AXIN2: variants seen among roughly 807,000 people sequenced by gnomAD.
AXIN2 encodes the protein axin 2.
AXIN2 carries 21 observed loss-of-function variants against 74.7 expected under a neutral mutation model. That is an observed-to-expected ratio of 0.28 (90% CI 0.20 to 0.40). AXIN2 has a LOEUF of 0.40. AXIN2 is among the 10% of genes least tolerant of loss of function. AXIN2 has a pLI of 1.00. For synonymous variants in AXIN2, 532 were observed against 454.9 expected, an observed-to-expected ratio of 1.17 and a Z score of -2.16; for missense variants, 1,144 against 1,111.1, an observed-to-expected ratio of 1.03 and a Z score of -0.42.
At chr17:65,560,230 G>A (rs1427008546) in intron 1 of AXIN2, 3 of 152,322 alleles carry the variant, frequency 2.0e-5, no homozygotes, top group Non-Finnish European at 4.4e-5. Context: ...AAAGGGGCCG[G>A]GGCGGCCACG....
intron 3 of AXIN2, among the ~76,000 whole-genome samples, chr17:65,541,934 C>T (rs1191871493): frequency 6.6e-6 from 1 of 152,204 alleles, no homozygotes; most frequent in Non-Finnish European, 1.5e-5. Flanking sequence ...CCCCACTGGT[C>T]CTCCCACTTG....
chr17:65,530,716 C>G (rs2043801958), intron 10 of AXIN2, among the ~76,000 whole-genome samples: 1 of 152,232 alleles, frequency 6.6e-6, no homozygotes, highest in South Asian at 2.1e-4. Context: ...CCCAGCGCAG[C>G]TTCCCAGGGC....
chr17:65,534,514 T>C (rs552214634), intron 9 of AXIN2, among the ~76,000 whole-genome samples: 1 of 152,296 alleles, frequency 6.6e-6, no homozygotes, highest in East Asian at 1.9e-4. Flanking sequence ...TGGGATGGCA[T>C]GATCTCAGAA....
At chr17:65,557,416 T>C (rs2044282423) in intron 2 of AXIN2, among the ~76,000 whole-genome samples, 1 of 152,162 alleles carries the variant, frequency 6.6e-6, no homozygotes, top group Non-Finnish European at 1.5e-5. Context: ...GCCACATTAA[T>C]TCCACCCTCT....
At chr17:65,537,294 A>G (rs1279110866) in intron 6 of AXIN2, 30 bp downstream of exon 6, 1 of 1,613,222 alleles carries the variant, frequency 6.2e-7, no homozygotes, top group Non-Finnish European at 8.5e-7. Context: ...CAAGCCCCAC[A>G]CGGGACACTG....
chr17:65,549,801 G>C, intron 2 of AXIN2, 141 bp from the exon 3 acceptor site: 1 of 1,151,020 alleles, frequency 8.7e-7, no homozygotes, highest in South Asian at 1.3e-5. Flanking sequence ...TGCTCACCTG[G>C]GCAGAAAGCA....
chr17:65,529,918 C>T lies in AXIN2; in HGVS notation c.*58G>A. ...ATGTTTTGTCGCAGTTGCTCACAGC[C>T]AAGACAGTTCACAAGAGCTTCGGGC... is the stretch of plus-strand genomic sequence containing the variant. On this transcript the variant is annotated 3_prime_UTR_variant, in exon 11 of 11. Transcript: ENST00000307078. The T allele has an allele frequency of 6.2e-7, 1 of 1,613,008 alleles. No homozygotes were observed. The highest frequency in any genetic ancestry group is 8.5e-7 in the Non-Finnish European group (1 of 1,179,560).
intron 10 of AXIN2, 142 bp from the exon 11 acceptor site, chr17:65,530,244 T>C: frequency 8.7e-7 from 1 of 1,156,068 alleles, no homozygotes; most frequent in South Asian, 1.3e-5. Flanking sequence ...GCACATCTGC[T>C]TTAAGACGGC....
chr17:65,529,608 T>C lies in AXIN2; in HGVS notation c.*368A>G, dbSNP rs1231551126. ...GGGGAAATCAACTGTTCTATAAATA[T>C]CAGTAAGGATTCCTGTTCAGGTAAG... is the stretch of plus-strand genomic sequence containing the variant. On this transcript the variant is annotated 3_prime_UTR_variant, in exon 11 of 11. Coordinates refer to ENST00000307078, the MANE Select transcript of AXIN2 (RefSeq NM_004655.4). The C allele has an allele frequency of 7.6e-6, 3 of 396,962 alleles. No individual in the cohort carries two copies. Among genetic ancestry groups the C allele is most frequent in the Admixed American group, 4.2e-5 (1 of 24,060 alleles). 24.6% of individuals were successfully genotyped at this position (396,962 alleles called of 1,614,324 possible).
At chr17:65,533,799 C>G in intron 10 of AXIN2, 113 bp downstream of exon 10, 1 of 950,704 alleles carries the variant, frequency 1.1e-6, no homozygotes, top group Non-Finnish European at 1.6e-6. Context: ...CCTGCTGAGC[C>G]CCCTCCCACC....
intron 5 of AXIN2, 149 bp downstream of exon 5, chr17:65,538,054 G>T (rs184732657): frequency 3.5e-6 from 5 of 1,445,152 alleles, no homozygotes; most frequent in Non-Finnish European, 4.7e-6. Context: ...CACAGCCCAC[G>T]CCCAGGCACA....
At chr17:65,542,242 T>C (rs1481140606) in intron 3 of AXIN2, among the ~76,000 whole-genome samples, 4 of 152,212 alleles carry the variant, frequency 2.6e-5, no homozygotes, top group Non-Finnish European at 5.9e-5. Context: ...GAAAAGCCCC[T>C]ACTATGTGGT....
In AXIN2 at chr17:65,549,540, C is replaced by A. The variant is rs1394762778; in HGVS notation, c.936G>T (p.Met312Ile). 6.2e-7 allele frequency: 1 copy of A among 1,612,440 alleles called. No homozygotes were observed. The highest frequency in any genetic ancestry group is 8.5e-7 in the Non-Finnish European group (1 of 1,179,302). Reference protein sequence around the residue: ...ISSDALTDDSMSMTDSSVDGI... With the variant: ...ISSDALTDDSISMTDSSVDGI... Reference sequence around the variant, plus strand: ...CTCACACACTGCTGTCCGTCATGGACATGGAATCATCCGTCAGCGCATCAC... The same window carrying A: ...CTCACACACTGCTGTCCGTCATGGAAATGGAATCATCCGTCAGCGCATCAC... Residue 312 changes from methionine to isoleucine, a missense_variant, in exon 3 of 11, where the codon ATG (methionine) becomes ATT (isoleucine). Transcript: ENST00000307078.
intron 2 of AXIN2, among the ~76,000 whole-genome samples, chr17:65,554,496 C>A (rs926160558): frequency 6.6e-6 from 1 of 152,240 alleles, no homozygotes; most frequent in African/African-American, 2.4e-5. Context: ...CAAACTTTTA[C>A]AAGTGGATCT....
intron 3 of AXIN2, among the ~76,000 whole-genome samples, chr17:65,547,218 C>A (rs1201011140): frequency 2.6e-5 from 4 of 152,136 alleles, no homozygotes; most frequent in African/African-American, 9.7e-5. Context: ...TCTACCCCTC[C>A]CAGAACCAGT....
Position 65,533,980 on chromosome 17 carries a change from C to T in AXIN2, c.2337G>A (p.Arg779=), listed in dbSNP as rs2043866155. The T allele has an allele frequency of 6.2e-7, 1 of 1,614,214 alleles. No individual in the cohort carries two copies. The highest frequency in any genetic ancestry group is 8.5e-7 in the Non-Finnish European group (1 of 1,180,026). The change falls in exon 10 of 11, where the codon AGG becomes AGA. Residue 779 remains arginine (R), a synonymous_variant. Coordinates refer to ENST00000307078, the MANE Select transcript of AXIN2 (RefSeq NM_004655.4). ...GGGTCAAGCTCTGAGCCTTCAGCAT[C>T]CTCCGGTATGGAATTTCTTCCCCAC... ...FFCGEEIPYR[R]MLKAQSLTLG...
intron 1 of AXIN2, among the ~76,000 whole-genome samples, chr17:65,559,725 A>C (rs980105463): frequency 1.3e-5 from 2 of 152,274 alleles, no homozygotes; most frequent in African/African-American, 4.8e-5. Flanking sequence ...TTATCTAACC[A>C]ATAAACAAGC....
rs761534462 is a variant in AXIN2 at position 65,537,484 on chromosome 17, A to G, written c.1552T>C (p.Tyr518His). 6.2e-7 allele frequency: 1 copy of G among 1,613,652 alleles called. No homozygotes were observed. Among genetic ancestry groups the G allele is most frequent in the Non-Finnish European group, 8.5e-7 (1 of 1,179,932 alleles). ...KQTTKHVHHH[Y>H]IHHHAVPKTK... ...TTGGGGACGGCATGGTGGTGGATGT[A>G]GTGGTGGTGGACATGCTTCGTCGTC... Residue 518 changes from tyrosine to histidine, a missense_variant, in exon 6 of 11, where the codon TAC (tyrosine) becomes CAC (histidine). This residue lies in a region of AXIN2 where 1,053 missense variants were observed against 973.5 expected (regional missense o/e 1.08). Coordinates refer to ENST00000307078, the MANE Select transcript of AXIN2 (RefSeq NM_004655.4).
Position 65,528,706 on chromosome 17 carries a change from G to A in AXIN2, c.*1270C>T. On this transcript the variant is annotated 3_prime_UTR_variant, in exon 11 of 11. Coordinates refer to ENST00000307078, the MANE Select transcript of AXIN2 (RefSeq NM_004655.4). ...AAAATGTCATGACAAAAGTCATTGA[G>A]TACAAGACTTGTAATAAAAAGGCAT... 1 of 506,130 alleles carries A rather than the reference G, an allele frequency of 2.0e-6. No individual in the cohort carries two copies. Among genetic ancestry groups the A allele is most frequent in the Non-Finnish European group, 3.7e-6 (1 of 269,198 alleles). The allele number at this position is 506,130 out of a possible 1,614,324, so 31.4% of individuals were successfully genotyped here.
Sources: gnomAD v4.1 joint callset for allele counts (sites outside exome capture counted in the v4.1 genomes callset) on GRCh38, gnomAD v4.1.1 for gene constraint, gnomAD v4.1.1 regional missense constraint, MANE v1.5 for transcripts, NCBI Gene and HGNC (gene_info 2026-07-23, HGNC 2026-07-21) for gene names.